The following TBC1D8 variants were observed in gnomAD, a reference collection of about 807,000 sequenced individuals.
TBC1D8 encodes BUB2-like protein 1.
Under a neutral mutation model 118.8 loss-of-function variants are expected in TBC1D8, and 65 were observed. The observed-to-expected ratio is 0.55, with a 90% CI of 0.45 to 0.67. TBC1D8 has a LOEUF of 0.67. TBC1D8 is among the 30% of genes least tolerant of loss of function. The pLI is 0.00. For missense variants in TBC1D8, 1,376 were observed against 1,471.2 expected (o/e 0.94, Z 1.06); for synonymous variants, 566 against 595.8 (o/e 0.95, Z 0.73).
At chr2:101,045,918 A>T (rs1360823645) in intron 5 of TBC1D8, among the ~76,000 whole-genome samples, 9 of 152,144 alleles carry the variant, frequency 5.9e-5, no homozygotes, top group Non-Finnish European at 1.3e-4. Flanking sequence ...TCTTGAACCC[A>T]GGATGTGGAG....
intron 2 of TBC1D8, among the ~76,000 whole-genome samples, chr2:101,070,416 A>ATTTT (rs67281797): frequency 6.9e-6 from 1 of 144,584 alleles, no homozygotes; most frequent in Non-Finnish European, 1.5e-5. Flanking sequence ...AACAAATCTG[A>ATTTT]TTTTTTTTTT....
In TBC1D8 at chr2:101,008,269, T is replaced by G; in HGVS notation, c.3020A>C (p.Glu1007Ala). 1 of 1,523,960 alleles carries G rather than the reference T, an allele frequency of 6.6e-7. No homozygotes were observed. Among genetic ancestry groups the G allele is most frequent in the Non-Finnish European group, 8.8e-7 (1 of 1,136,724 alleles). The allele number at this position is 1,523,960 out of a possible 1,614,324, so 94.4% of individuals were successfully genotyped here. A position where few individuals can be genotyped will look rare whatever the true frequency, so the allele number is the denominator to read the frequency against. Residue 1007 changes from glutamate to alanine, a missense_variant, in exon 20 of 20, where the codon GAA becomes GCA. Physicochemically the swap from Glu to Ala is moderately radical, Grantham distance 107 (BLOSUM62 -1). Transcript: ENST00000409318. ...CAGAGTTTTACAGAACTGGATAAATTCTCTCTGAAATTGAAATAAGTCTTA... is the reference window on the plus strand; with the variant it reads ...CAGAGTTTTACAGAACTGGATAAATGCTCTCTGAAATTGAAATAAGTCTTA... ...EKELPKMSQR[E>A]FIQFCKTLYS...
intron 3 of TBC1D8, among the ~76,000 whole-genome samples, chr2:101,057,889 AG>A: frequency 6.6e-6 from 1 of 152,318 alleles, no homozygotes; most frequent in South Asian, 2.1e-4. Flanking sequence ...TGTAATTTCC[AG>A]GGCCCCAGCC....
Position 101,038,531 on chromosome 2 carries a change from A to G in TBC1D8, c.1205T>C (p.Leu402Pro). Reference sequence around the variant, plus strand: ...GTGGACCTGCTTCAACCTCGCAAGCAGCGCCTCCACCAGGCTGTCTCGGTC... The same window carrying G: ...GTGGACCTGCTTCAACCTCGCAAGCGGCGCCTCCACCAGGCTGTCTCGGTC... ...LRDRDSLVEALLARLKQVHAN... is the reference protein window; with the variant it reads ...LRDRDSLVEAPLARLKQVHAN... Residue 402 changes from leucine to proline, a missense_variant, in exon 7 of 20, where the codon CTG (leucine) becomes CCG (proline). Coordinates refer to ENST00000409318, the MANE Select transcript of TBC1D8 (RefSeq NM_001330348.2). 1 of 1,613,870 alleles carries G rather than the reference A, an allele frequency of 6.2e-7. No homozygotes were observed. Among genetic ancestry groups the G allele is most frequent in the Non-Finnish European group, 8.5e-7 (1 of 1,179,862 alleles).
chr2:101,103,633 C>A (rs1677015171), intron 1 of TBC1D8, among the ~76,000 whole-genome samples: 1 of 152,046 alleles, frequency 6.6e-6, no homozygotes. Flanking sequence ...ACCTCATGAT[C>A]CGCCCGCCTT....
At chr2:101,095,355 C>G (rs896439272) in intron 1 of TBC1D8, among the ~76,000 whole-genome samples, 2 of 150,304 alleles carry the variant, frequency 1.3e-5, no homozygotes, top group Admixed American at 1.3e-4. Flanking sequence ...CACCCATTAA[C>G]TCGTCATTTA....
At chr2:101,056,951 G>T (rs184115242) in intron 3 of TBC1D8, among the ~76,000 whole-genome samples, 1 of 152,312 alleles carries the variant, frequency 6.6e-6, no homozygotes, top group East Asian at 1.9e-4. Context: ...AGAGGAAAGG[G>T]AGATCAAATG....
rs11690000 is a variant in TBC1D8, at chr2:101,044,366, C to T, written c.873-3981G>A. 8.9e-3 allele frequency among the ~76,000 whole-genome samples: 1,354 copies of T among 152,322 alleles called. 9 individuals are homozygous for T. The highest frequency in any genetic ancestry group is 0.031 in the Middle Eastern group (9 of 294). On this transcript the variant is annotated intron_variant, in intron 5 of 19. Coordinates refer to ENST00000409318, the MANE Select transcript of TBC1D8 (RefSeq NM_001330348.2). ...ATGAGAAATCCTCGAGAAATCAGCT[C>T]TTTATGAAGTTTAGAATAAGACCAT...
intron 1 of TBC1D8, among the ~76,000 whole-genome samples, chr2:101,121,684 G>T (rs1172345367): frequency 1.3e-5 from 2 of 152,204 alleles, no homozygotes; most frequent in African/African-American, 4.8e-5. Context: ...TATGGATTTG[G>T]GAGGGACACA....
intron 19 of TBC1D8, among the ~76,000 whole-genome samples, chr2:101,008,913 TAA>T (rs2105355406): frequency 6.6e-6 from 1 of 152,264 alleles, no homozygotes; most frequent in Non-Finnish European, 1.5e-5. Context: ...TGAAACGCTA[TAA>T]AGTTAGGGCA....
At position 101,065,430 on chromosome 2, in the gene TBC1D8, G is replaced by A. The variant is rs1386477797; in HGVS notation, c.284-5891C>T. Among the ~76,000 whole-genome samples the A allele has an allele frequency of 2.0e-5, 3 of 152,126 alleles. No individual in the cohort carries two copies. The East Asian group carries it at 5.8e-4, about 29-fold the overall frequency. ...CTCACTCAACACTCACCCTGTGCAG[G>A]GTAACTCAGGATCAAAGAATTCAAG... On this transcript the variant is annotated intron_variant, in intron 2 of 19. Coordinates refer to ENST00000409318, the MANE Select transcript of TBC1D8 (RefSeq NM_001330348.2).
chr2:101,042,556 C>T lies in TBC1D8; in HGVS notation c.873-2171G>A, dbSNP rs180926307. ...CCCTGTGAATCTAAAATGATCCCCACAATATGGTAAAACAGAAACTAGGCA... is the reference window on the plus strand; with the variant it reads ...CCCTGTGAATCTAAAATGATCCCCATAATATGGTAAAACAGAAACTAGGCA... On this transcript the variant is annotated intron_variant, in intron 5 of 19. Transcript: ENST00000409318. 3.9e-5 allele frequency among the ~76,000 whole-genome samples: 6 copies of T among 152,208 alleles called. No individual in the cohort carries two copies. The East Asian group carries it at 9.7e-4, about 25-fold the overall frequency.
At chr2:101,032,588 G>A (rs547917090) in intron 10 of TBC1D8, 26 of 519,530 alleles carry the variant, frequency 5.0e-5, no homozygotes, top group South Asian at 3.4e-4. Context: ...CTGAGCGATC[G>A]GCCACCACTC....
intron 3 of TBC1D8, among the ~76,000 whole-genome samples, chr2:101,054,590 C>CACTTACCG (rs1430725701): frequency 6.6e-6 from 1 of 150,860 alleles, no homozygotes. Flanking sequence ...CTCACTCGGC[C>CACTTACCG]ACTTACCGAT....
intron 11 of TBC1D8, among the ~76,000 whole-genome samples, chr2:101,031,405 C>T (rs1423020611): frequency 6.6e-6 from 1 of 152,164 alleles, no homozygotes; most frequent in East Asian, 1.9e-4. Flanking sequence ...GTCCTTAGGA[C>T]ACAGTCTTCA....
chr2:101,112,712 C>T (rs1351185999), intron 1 of TBC1D8, among the ~76,000 whole-genome samples: 1 of 152,230 alleles, frequency 6.6e-6, no homozygotes, highest in African/African-American at 2.4e-5. Flanking sequence ...ATGGTTCCAA[C>T]TTTGTGTAAC....
intron 1 of TBC1D8, among the ~76,000 whole-genome samples, chr2:101,144,304 A>G (rs1228636597): frequency 6.6e-6 from 1 of 152,098 alleles, no homozygotes; most frequent in East Asian, 1.9e-4. Context: ...TCATGACTAC[A>G]GTGGTGGGAG....
intron 11 of TBC1D8, among the ~76,000 whole-genome samples, chr2:101,031,114 CA>C (rs1207253345): frequency 2.5e-4 from 38 of 152,336 alleles, no homozygotes; most frequent in African/African-American, 8.7e-4. Context: ...TATGAGCTGT[CA>C]CATAGCAACA....
chr2:101,012,990 G>A (rs763560439), intron 17 of TBC1D8, among the ~76,000 whole-genome samples: 4 of 152,204 alleles, frequency 2.6e-5, no homozygotes, highest in African/African-American at 9.6e-5. Flanking sequence ...GGATGGAAAT[G>A]GATTTCCCAG....
Sources: gnomAD v4.1 joint callset for allele counts (sites outside exome capture counted in the v4.1 genomes callset) on GRCh38, gnomAD v4.1.1 for gene constraint, MANE v1.5 for transcripts, NCBI Gene and HGNC (gene_info 2026-07-23, HGNC 2026-07-21) for gene names.